Variants in UNC13C observed in about 807,000 individuals in gnomAD.
The protein encoded by UNC13C is protein unc-13 homolog C.
A neutral mutation model predicts 245.4 loss-of-function variants in UNC13C; 174 were observed. The observed-to-expected ratio is 0.71, with a 90% confidence interval of 0.63 to 0.80. The LOEUF is 0.80. UNC13C is among the 30% of genes least tolerant of loss of function. UNC13C has a pLI of 0.00. For missense variants in UNC13C, 2,829 were observed against 2,602.9 expected, an observed-to-expected ratio of 1.09 and a Z score of -1.89; for synonymous variants, 992 against 895.1, an observed-to-expected ratio of 1.11 and a Z score of -1.93.
At chr15:54,109,216 T>A (rs1190443293) in intron 2 of UNC13C, among the ~76,000 whole-genome samples, 1 of 151,024 alleles carries the variant, frequency 6.6e-6, no homozygotes, top group Admixed American at 6.6e-5. Flanking sequence ...CTATCAGAAG[T>A]GAGCTTTTTA....
chr15:53,964,024 C>T, the UNC13C span, among the ~76,000 whole-genome samples: 1 of 152,112 alleles, frequency 6.6e-6, no homozygotes, highest in Non-Finnish European at 1.5e-5. Flanking sequence ...CACAAACAGG[C>T]CCATCTGTCT....
chr15:54,341,004 G>C (rs548907597), intron 17 of UNC13C, among the ~76,000 whole-genome samples: 12 of 152,172 alleles, frequency 7.9e-5, no homozygotes, highest in African/African-American at 2.4e-4. Flanking sequence ...TACACTGTTG[G>C]TGGGAATATA....
chr15:53,917,267 A>C, the UNC13C span, among the ~76,000 whole-genome samples: 1 of 152,208 alleles, frequency 6.6e-6, no homozygotes, highest in Non-Finnish European at 1.5e-5. Context: ...GCATTCTTTA[A>C]CAGTTGGGTG....
chr15:54,103,995 G>A (rs1351054908), intron 2 of UNC13C, among the ~76,000 whole-genome samples: 2 of 152,122 alleles, frequency 1.3e-5, no homozygotes, highest in East Asian at 1.9e-4. Flanking sequence ...TGCCCGCCTC[G>A]GCCTCCCAAA....
At chr15:54,415,842 T>G (rs2040507801) in intron 19 of UNC13C, among the ~76,000 whole-genome samples, 1 of 152,130 alleles carries the variant, frequency 6.6e-6, no homozygotes, top group African/African-American at 2.4e-5. Flanking sequence ...GGTGAGGACT[T>G]ATGATGACGG....
intron 14 of UNC13C, among the ~76,000 whole-genome samples, chr15:54,331,616 A>C (rs2038438652): frequency 6.6e-6 from 1 of 152,126 alleles, no homozygotes; most frequent in Admixed American, 6.6e-5. Flanking sequence ...AAGTGTAAAA[A>C]ACTGTAATAT....
At chr15:54,452,327 G>C (rs2414314) in intron 19 of UNC13C, among the ~76,000 whole-genome samples, 1 of 151,988 alleles carries the variant, frequency 6.6e-6, no homozygotes, top group Admixed American at 6.6e-5. Context: ...TGGATAGTGC[G>C]TGGATTATGG....
chr15:54,196,292 G>T (rs2034351305), intron 4 of UNC13C, among the ~76,000 whole-genome samples: 1 of 151,854 alleles, frequency 6.6e-6, no homozygotes, highest in Non-Finnish European at 1.5e-5. Context: ...TGGGGCAAAT[G>T]CTGATCTCAC....
chr15:54,164,846 C>A (rs2033110550), intron 4 of UNC13C, among the ~76,000 whole-genome samples: 1 of 152,084 alleles, frequency 6.6e-6, no homozygotes, highest in Admixed American at 6.5e-5. Context: ...ATAATTTCAT[C>A]ATGATATTTT....
chr15:54,553,444 T>C (rs1196006693), intron 28 of UNC13C, among the ~76,000 whole-genome samples: 1 of 135,420 alleles, frequency 7.4e-6, no homozygotes, highest in African/African-American at 2.7e-5. Context: ...TATAATATAA[T>C]TATAATATAT....
intron 30 of UNC13C, among the ~76,000 whole-genome samples, chr15:54,602,107 A>G (rs954546480): frequency 6.6e-6 from 1 of 152,150 alleles, no homozygotes; most frequent in African/African-American, 2.4e-5. Flanking sequence ...ATCAATTAGC[A>G]GCTGTTGAAA....
chr15:53,926,287 G>A, the UNC13C span, among the ~76,000 whole-genome samples: 64 of 152,088 alleles, frequency 4.2e-4, no homozygotes, highest in African/African-American at 1.5e-3. Flanking sequence ...TGTAGGATTT[G>A]GAATTACAAG....
rs1352160528 is a variant in UNC13C at position 54,628,183 on chromosome 15, G to A, written c.*1070G>A. 6.6e-6 allele frequency: 1 copy of A among 152,036 alleles called. No homozygotes were observed. The highest frequency in any genetic ancestry group is 1.5e-5 in the Non-Finnish European group (1 of 67,996). The allele number at this position is 152,036 out of a possible 1,614,324, so 9.4% of individuals were successfully genotyped here. A position where few individuals can be genotyped will look rare whatever the true frequency, so the allele number is the denominator to read the frequency against. On this transcript the variant is annotated 3_prime_UTR_variant, in exon 33 of 33. Transcript: ENST00000260323. ...TAGGAGAACAATGTAATACAGCTTGGTACCTAAAAATATAGCTAAGTTGGT... is the reference window on the plus strand; with the variant it reads ...TAGGAGAACAATGTAATACAGCTTGATACCTAAAAATATAGCTAAGTTGGT...
chr15:54,149,568 A>G (rs2032428459), intron 4 of UNC13C, among the ~76,000 whole-genome samples: 1 of 152,178 alleles, frequency 6.6e-6, no homozygotes, highest in Non-Finnish European at 1.5e-5. Flanking sequence ...TTGCAAACTG[A>G]TCTTCTGAGA....
chr15:54,043,116 G>A (rs779985261), intron 2 of UNC13C, among the ~76,000 whole-genome samples: 1 of 152,088 alleles, frequency 6.6e-6, no homozygotes, highest in Admixed American at 6.5e-5. Flanking sequence ...TACCTTATAT[G>A]TGGATGGGTT....
intron 24 of UNC13C, among the ~76,000 whole-genome samples, chr15:54,524,855 G>A (rs1327924556): frequency 6.6e-6 from 1 of 152,138 alleles, no homozygotes; most frequent in Non-Finnish European, 1.5e-5. Flanking sequence ...TCTAAAGGTA[G>A]AAAGAAAGAG....
At chr15:53,998,864 A>G (rs1442369805) in intron 1 of UNC13C, among the ~76,000 whole-genome samples, 1 of 152,018 alleles carries the variant, frequency 6.6e-6, no homozygotes, top group Non-Finnish European at 1.5e-5. Context: ...ATAAGTGATT[A>G]TATGCTATTT....
chr15:53,986,205 C>A (rs572481677), intron 1 of UNC13C, among the ~76,000 whole-genome samples: 1 of 152,120 alleles, frequency 6.6e-6, no homozygotes, highest in South Asian at 2.1e-4. Flanking sequence ...AAAGAGTGAA[C>A]AAAAGGTCTG....
At chr15:53,901,964 A>G in the UNC13C span, among the ~76,000 whole-genome samples, 1 of 152,100 alleles carries the variant, frequency 6.6e-6, no homozygotes, top group African/African-American at 2.4e-5. Flanking sequence ...AAATTAAGTT[A>G]TTACCCATTT....
Sources: allele counts gnomAD v4.1 joint callset (sites outside exome capture counted in the v4.1 genomes callset), GRCh38; gene constraint gnomAD v4.1.1; transcripts MANE v1.5; gene names NCBI Gene and HGNC (gene_info 2026-07-23, HGNC 2026-07-21).